Variants in CD81 observed in about 807,000 individuals in gnomAD.
CD81 encodes the protein CD81 molecule.
Under a neutral mutation model 30.1 loss-of-function variants are expected in CD81, and 10 were observed. The observed-to-expected ratio is 0.33, with a 90% CI of 0.21 to 0.56. CD81 has a LOEUF of 0.56. Among genes scored for constraint, CD81 ranks in the 20% least tolerant of loss-of-function variants. CD81 has a pLI of 0.89. For missense variants in CD81, 263 were observed against 308.7 expected, an observed-to-expected ratio of 0.85 and a Z score of 1.11; for synonymous variants, 147 against 126.4, an observed-to-expected ratio of 1.16 and a Z score of -1.10.
chr11:2,390,399 C>T lies in CD81; in HGVS notation c.67-13C>T, dbSNP rs188634335. 6.4e-4 allele frequency: 1,023 copies of T among 1,605,376 alleles called. 5 individuals carry two copies. In the African/African-American group the frequency reaches 0.011, roughly 18 times the overall value. On this transcript the variant is annotated splice_polypyrimidine_tract_variant and intron_variant, in intron 1 of 7. Transcript: ENST00000263645. ...CTCTTCGTACATGTGACACTGTTCC[C>T]GCTCTTTCCCAGCTGGCTGGAGGCG...
chr11:2,393,848 A>T (rs1166140142), intron 2 of CD81: 1 of 669,754 alleles, frequency 1.5e-6, no homozygotes, highest in African/African-American at 1.8e-5. Flanking sequence ...CAGAGCGCTC[A>T]TGAGGTGCCC....
intron 4 of CD81, 171 bp downstream of exon 4, chr11:2,395,217 G>A: frequency 1.4e-6 from 1 of 732,736 alleles, no homozygotes; most frequent in South Asian, 1.6e-5. Flanking sequence ...CAGCATTGGG[G>A]CTGAGCACCA....
chr11:2,391,124 G>A (rs2133456758), intron 2 of CD81: 2 of 210,558 alleles, frequency 9.5e-6, no homozygotes, highest in South Asian at 8.4e-5. Flanking sequence ...CCAGGAGGAG[G>A]AGGAGGGCCA....
Position 2,390,202 on chromosome 11 carries a change from C to T in CD81, c.67-210C>T, listed in dbSNP as rs1849872773. 4.6e-6 allele frequency: 3 copies of T among 647,612 alleles called. No homozygotes were observed. In the Admixed American group the frequency reaches 6.3e-5, roughly 14 times the overall value. The allele number at this position is 647,612 out of a possible 1,614,324, so 40.1% of individuals were successfully genotyped here. On this transcript the variant is annotated intron_variant, in intron 1 of 7. Coordinates refer to ENST00000263645, the MANE Select transcript of CD81 (RefSeq NM_004356.4). ...TCCACAGGTGCAGGGCAGGGCCAGG[C>T]TCCAAGTAGATGGCGGCCAAAGCAC...
At position 2,397,135 on chromosome 11, in the gene CD81, G is replaced by A. The variant is rs1444815321; in HGVS notation, c.*269G>A. 3 of 521,612 alleles carry A rather than the reference G, an allele frequency of 5.8e-6. No homozygotes were observed. In the African/African-American group the frequency reaches 5.8e-5, roughly 10 times the overall value. 32.3% of individuals were successfully genotyped at this position (521,612 alleles called of 1,614,324 possible). On this transcript the variant is annotated 3_prime_UTR_variant, in exon 8 of 8. Transcript: ENST00000263645. ...GGTCCTTCTGCCCTGGGGTCCCAGG[G>A]TGCTCTGCCTGCTCAGCCAGGCCTC...
intron 1 of CD81, among the ~76,000 whole-genome samples, chr11:2,386,985 A>G (rs556290414): frequency 4.6e-5 from 7 of 152,368 alleles, no homozygotes; most frequent in South Asian, 4.1e-4. Flanking sequence ...CCCAGAGCAC[A>G]GCAAGAAGCT....
intron 1 of CD81, chr11:2,386,615 T>C (rs1268849617): frequency 4.2e-6 from 3 of 717,256 alleles, no homozygotes; most frequent in Admixed American, 2.0e-5. Flanking sequence ...TTGTCCATGC[T>C]AGGGCTGGGA....
chr11:2,377,363 C>CT lies in CD81; in HGVS notation c.-186dup, dbSNP rs1270990698. ...GACGGCGGCGACCCCACCGCGCATC[C>CT]TGCCAGGCCTCCGGCGCCCAGCGCC... is the stretch of plus-strand genomic sequence containing the variant. On this transcript the variant is annotated 5_prime_UTR_variant, in exon 1 of 8. Coordinates refer to ENST00000263645, the MANE Select transcript of CD81 (RefSeq NM_004356.4). This position sits in a 1 kb window ranked among gnomAD's most constrained non-coding sequence, Gnocchi z 7.7. 1 of 150,442 alleles carries CT rather than the reference C, an allele frequency of 6.6e-6. No homozygotes were observed. The highest frequency in any genetic ancestry group is 1.5e-5 in the Non-Finnish European group (1 of 67,964). The allele number at this position is 150,442 out of a possible 1,614,324, so 9.3% of individuals were successfully genotyped here.
Position 2,396,655 on chromosome 11 carries a change from C to G in CD81, c.589C>G (p.Leu197Val). 6.2e-7 allele frequency: 1 copy of G among 1,611,790 alleles called. No individual in the cohort carries two copies. Reference protein sequence around the residue: ...KEDCHQKIDDLFSGKLYLIGI... With the variant: ...KEDCHQKIDDVFSGKLYLIGI... Reference sequence around the variant, plus strand: ...GGACTGCCACCAGAAGATCGATGACCTCTTCTCCGGGAAGCTGTACCTCAT... The same window carrying G: ...GGACTGCCACCAGAAGATCGATGACGTCTTCTCCGGGAAGCTGTACCTCAT... Residue 197 changes from leucine (L) to valine (V), a missense_variant, in exon 7 of 8, where the codon CTC (leucine) becomes GTC (valine). Physicochemically the swap from Leu to Val is conservative, Grantham distance 32 (BLOSUM62 1). Around this residue, in one of 3 missense-constraint regions of CD81, gnomAD observed 176 missense variants for 192.9 expected, o/e 0.91. Coordinates refer to ENST00000263645, the MANE Select transcript of CD81 (RefSeq NM_004356.4).
rs558236726 is a variant in CD81, at chr11:2,388,585, G to A, written c.67-1827G>A. 1.7e-4 allele frequency among the ~76,000 whole-genome samples: 26 copies of A among 152,326 alleles called. No individual in the cohort carries two copies. In the South Asian group the frequency reaches 5.2e-3, roughly 30 times the overall value. ...GCCCTGCATCTGTGGTGGGGTCGGC[G>A]CCTGGTGCTGGTGAGGCAAGGCCTC... On this transcript the variant is annotated intron_variant, in intron 1 of 7. Coordinates refer to ENST00000263645, the MANE Select transcript of CD81 (RefSeq NM_004356.4).
At chr11:2,390,316 C>A in intron 1 of CD81, 96 bp from the exon 2 acceptor site, 1 of 961,562 alleles carries the variant, frequency 1.0e-6, no homozygotes, top group Non-Finnish European at 1.7e-6. Context: ...CGGGAGCCAG[C>A]AAGGCAGGAG....
chr11:2,390,138 G>A lies in CD81; in HGVS notation c.67-274G>A, dbSNP rs12278063. The A allele has an allele frequency of 0.048, 27,540 of 573,140 alleles. 3,283 individuals are homozygous for A. Among genetic ancestry groups the A allele is most frequent in the African/African-American group, 0.34 (18,000 of 53,374 alleles). The allele number at this position is 573,140 out of a possible 1,614,324, so 35.5% of individuals were successfully genotyped here. On this transcript the variant is annotated intron_variant, in intron 1 of 7. Coordinates refer to ENST00000263645, the MANE Select transcript of CD81 (RefSeq NM_004356.4). Reference sequence around the variant, plus strand: ...CATCTGAGAGGCAGATTTAACCGGCGTCCCGTGTCTTCCTGGCAGTCCTGC... The same window carrying A: ...CATCTGAGAGGCAGATTTAACCGGCATCCCGTGTCTTCCTGGCAGTCCTGC...
rs1398286732 is a variant in CD81, at chr11:2,378,305, A to G, written c.66+690A>G. ...CCGATCTCCCTCTCCTCACCCAGACACGTTCCAGCGGAGGCCTCCTCCCAG... is the reference window on the plus strand; with the variant it reads ...CCGATCTCCCTCTCCTCACCCAGACGCGTTCCAGCGGAGGCCTCCTCCCAG... On this transcript the variant is annotated intron_variant, in intron 1 of 7. Coordinates refer to ENST00000263645, the MANE Select transcript of CD81 (RefSeq NM_004356.4). The surrounding 1 kb of genome is among the most constrained non-coding windows in gnomAD (Gnocchi z 4.9). Among the ~76,000 whole-genome samples, 4 of 151,790 alleles carry G rather than the reference A, an allele frequency of 2.6e-5. No individual in the cohort carries two copies. Among genetic ancestry groups the G allele is most frequent in the Non-Finnish European group, 4.4e-5 (3 of 67,890 alleles).
rs1369223718 is a variant in CD81, at chr11:2,397,079, C to T, written c.*213C>T. The stretch of plus-strand genomic sequence containing the variant: ...TGTAGGTGGCGTGTATGAGTGGAGA[C>T]GGGCCTGGGTCTTGGGGACTGGAGG... On this transcript the variant is annotated 3_prime_UTR_variant, in exon 8 of 8. Coordinates refer to ENST00000263645, the MANE Select transcript of CD81 (RefSeq NM_004356.4). The T allele has an allele frequency of 6.6e-6, 4 of 609,584 alleles. No homozygotes were observed. In the East Asian group the frequency reaches 8.5e-5, roughly 13 times the overall value. 37.8% of individuals were successfully genotyped at this position (609,584 alleles called of 1,614,324 possible).
intron 6 of CD81, 184 bp from the exon 7 acceptor site, chr11:2,396,444 A>G: frequency 3.1e-6 from 2 of 643,926 alleles, no homozygotes; most frequent in South Asian, 3.5e-5. Context: ...AAACGGGTGG[A>G]AGATAGCAAG....
At chr11:2,379,561 T>C (rs1485575113) in intron 1 of CD81, among the ~76,000 whole-genome samples, 1 of 151,776 alleles carries the variant, frequency 6.6e-6, no homozygotes, top group East Asian at 1.9e-4. Context: ...GGATTTTTGC[T>C]CTCTGGACGG....
At position 2,377,491 on chromosome 11, in the gene CD81, GCCCGCCCGCCGCCCAGGACCGGCCCGCGC is replaced by G. The variant is rs1281153658; in HGVS notation, c.-53_-25del. The G allele has an allele frequency of 1.3e-5, 10 of 781,884 alleles. No individual in the cohort carries two copies. In the East Asian group the frequency reaches 3.8e-4, roughly 30 times the overall value. 48.4% of individuals were successfully genotyped at this position (781,884 alleles called of 1,614,324 possible). On this transcript the variant is annotated 5_prime_UTR_variant, in exon 1 of 8. Transcript: ENST00000263645. The surrounding 1 kb of genome is among the most constrained non-coding windows in gnomAD (Gnocchi z 7.7). ...CGGCCACCCGCCAGGCCCCGCGCCG[GCCCGCCCGCCGCCCAGGACCGGCCCGCGC>G]CCCGCAGGCCGCCCGCCGCCCGCGC...
intron 6 of CD81, chr11:2,396,264 C>G: frequency 1.8e-6 from 1 of 566,516 alleles, no homozygotes; most frequent in Non-Finnish European, 3.2e-6. Context: ...ACGCCCCTGA[C>G]AGCCTGTAGC....
chr11:2,385,586 C>T (rs11022555), intron 1 of CD81: 3,339 of 239,572 alleles, frequency 0.014, 124 homozygotes, highest in African/African-American at 0.11. Context: ...GCGTGCCCGT[C>T]GTCTGTGTGG....
Sources: gnomAD v4.1 joint callset for allele counts (sites outside exome capture counted in the v4.1 genomes callset) on GRCh38, gnomAD v4.1.1 for gene constraint, gnomAD v4.1.1 regional missense constraint, Gnocchi (gnomAD v3.1) non-coding constraint, MANE v1.5 for transcripts, NCBI Gene and HGNC (gene_info 2026-07-23, HGNC 2026-07-21) for gene names.